Variants in REPS2 observed in about 807,000 individuals in gnomAD.
REPS2 encodes the protein RALBP1 associated Eps domain containing 2, also known as ralBP1-associated Eps domain-containing protein 2.
REPS2 carries 23 observed loss-of-function variants against 53.6 expected under a neutral mutation model. The ratio of observed to expected loss-of-function variants is 0.43; its 90% CI spans 0.31 to 0.61. The LOEUF (loss-of-function observed/expected upper bound fraction) is 0.61, where lower values mean the gene tolerates loss of function less well. Among genes scored for constraint, REPS2 ranks in the 20% least tolerant of loss-of-function variants. REPS2 has a pLI of 0.11. For synonymous variants in REPS2, 238 were observed against 218.6 expected, an observed-to-expected ratio of 1.09 and a Z score of -0.78; for missense variants, 446 against 534.9, an observed-to-expected ratio of 0.83 and a Z score of 1.64.
chrX:17,025,087 C>T lies in REPS2; in HGVS notation c.575C>T (p.Pro192Leu). The change falls in exon 4 of 18, where the codon CCC becomes CTC. Residue 192 changes from proline to leucine, a missense_variant. Transcript: ENST00000357277. ...QQETQSPTMS[P>L]LASPPSSPPH... is the part of the protein sequence containing the mutation. ...GAAACACAGTCTCCCACGATGTCAC[C>T]CCTCGCCTCCCCTCCTTCTTCCCCG... 8.3e-7 allele frequency: 1 copy of T among 1,211,315 alleles called. No homozygotes were observed. The highest frequency in any genetic ancestry group is 1.1e-6 in the Non-Finnish European group (1 of 895,329).
intron 1 of REPS2, among the ~76,000 whole-genome samples, chrX:16,976,398 T>C (rs2060955552): frequency 9.0e-6 from 1 of 111,004 alleles, no homozygotes. Flanking sequence ...ATTATTCCTC[T>C]AGGGTGGCAG....
rs1319973353 is a variant in REPS2, at chrX:17,148,855, C to T, written c.*1374C>T. On this transcript the variant is annotated 3_prime_UTR_variant, in exon 18 of 18. Coordinates refer to ENST00000357277, the MANE Select transcript of REPS2 (RefSeq NM_004726.3). ...ACTAATTTCCCCATTCTTAGGGTAG[C>T]AGGGTGGGGGTGTATAGGGTCTTTT... 8.6e-6 allele frequency: 3 copies of T among 348,378 alleles called. No individual in the cohort carries two copies. Among genetic ancestry groups the T allele is most frequent in the Non-Finnish European group, 1.1e-5 (2 of 181,098 alleles). 28.7% of individuals were successfully genotyped at this position (348,378 alleles called of 1,213,427 possible).
chrX:17,006,950 A>G (rs1176652707), intron 2 of REPS2, among the ~76,000 whole-genome samples: 4 of 111,988 alleles, frequency 3.6e-5, no homozygotes, highest in Non-Finnish European at 3.8e-5. Flanking sequence ...AAAACCCCCA[A>G]CTATTAGCAG....
chrX:17,096,653 C>G (rs1170138267), intron 13 of REPS2, among the ~76,000 whole-genome samples: 1 of 43,292 alleles, frequency 2.3e-5, no homozygotes, highest in Non-Finnish European at 3.6e-5. Flanking sequence ...GAGCGAGACT[C>G]CGTCTCAAAA....
At chrX:16,948,759 C>T (rs1376306021) in intron 1 of REPS2, among the ~76,000 whole-genome samples, 1 of 111,905 alleles carries the variant, frequency 8.9e-6, no homozygotes, top group Admixed American at 9.5e-5. Flanking sequence ...ACCCAAGGCA[C>T]AGTGGCTGTG....
intron 5 of REPS2, among the ~76,000 whole-genome samples, chrX:17,036,725 A>C (rs1338812356): frequency 8.9e-6 from 1 of 111,860 alleles, no homozygotes; most frequent in Admixed American, 9.5e-5. Context: ...GGTAAATGTC[A>C]ACACTGTGTG....
intron 9 of REPS2, among the ~76,000 whole-genome samples, chrX:17,067,657 C>A (rs1031604650): frequency 5.3e-5 from 6 of 112,187 alleles, no homozygotes; most frequent in Non-Finnish European, 1.1e-4. Flanking sequence ...CAGTAAAATT[C>A]TTTTATCCCA....
chrX:16,962,525 A>G (rs1189209482), intron 1 of REPS2, among the ~76,000 whole-genome samples: 1 of 111,694 alleles, frequency 9.0e-6, no homozygotes, highest in Non-Finnish European at 1.9e-5. Context: ...TGGGGAGGAA[A>G]TAAGGCAATG....
chrX:16,994,389 G>A (rs1272508343), intron 1 of REPS2, among the ~76,000 whole-genome samples: 10 of 104,948 alleles, frequency 9.5e-5, no homozygotes, highest in South Asian at 4.0e-4. Context: ...ATACACACAC[G>A]TACATATATA....
In REPS2 at chrX:17,106,620, T is replaced by C. The variant is rs754081351; in HGVS notation, c.1578+2841T>C. Among the ~76,000 whole-genome samples, 4 of 110,022 alleles carry C rather than the reference T, an allele frequency of 3.6e-5. No homozygotes were observed. In the South Asian group the frequency reaches 1.2e-3, roughly 33 times the overall value. On this transcript the variant is annotated intron_variant, in intron 14 of 17. Transcript: ENST00000357277. ...TAGTAGAGACGGGATTTAACTGTGT[T>C]AGCCGGGATGATCTCGATCTCCTGA...
the REPS2 span, among the ~76,000 whole-genome samples, chrX:17,184,603 C>A: frequency 9.1e-6 from 1 of 109,833 alleles, no homozygotes; most frequent in Non-Finnish European, 1.9e-5. Context: ...GGAATCGCCA[C>A]ACTGACTTCC....
At chrX:16,987,951 G>A (rs1299444809) in intron 1 of REPS2, among the ~76,000 whole-genome samples, 1 of 110,383 alleles carries the variant, frequency 9.1e-6, no homozygotes, top group Admixed American at 9.7e-5. Flanking sequence ...AGTGCAATAA[G>A]GCAAGAAAAG....
chrX:17,033,754 T>C (rs1211417959), intron 5 of REPS2, among the ~76,000 whole-genome samples: 1 of 112,242 alleles, frequency 8.9e-6, no homozygotes, highest in Admixed American at 9.4e-5. Flanking sequence ...ACAAAAACAA[T>C]CTTAAAAACA....
intron 9 of REPS2, among the ~76,000 whole-genome samples, chrX:17,067,458 A>G: frequency 8.9e-6 from 1 of 112,115 alleles, no homozygotes; most frequent in Non-Finnish European, 1.9e-5. Flanking sequence ...AGCAGTTTTC[A>G]AGTATACCAT....
At chrX:17,159,022 A>G in the REPS2 span, among the ~76,000 whole-genome samples, 1 of 112,227 alleles carries the variant, frequency 8.9e-6, no homozygotes, top group South Asian at 3.7e-4. Flanking sequence ...CTTAAATAAA[A>G]CTTTCTTCCT....
chrX:17,147,386 G>A (rs370625930), intron 17 of REPS2, 27 bp from the exon 18 acceptor site: 3 of 1,158,697 alleles, frequency 2.6e-6, no homozygotes, highest in Middle Eastern at 2.4e-4. Flanking sequence ...TTGCTTTTTT[G>A]TTTTTCTTGT....
chrX:17,160,959 A>T, the REPS2 span, among the ~76,000 whole-genome samples: 1 of 111,970 alleles, frequency 8.9e-6, no homozygotes, highest in East Asian at 2.8e-4. Flanking sequence ...GATGGAGAGG[A>T]ATTGTGCCCC....
chrX:17,031,571 A>T (rs2061709280), intron 5 of REPS2, among the ~76,000 whole-genome samples: 1 of 112,382 alleles, frequency 8.9e-6, no homozygotes. Flanking sequence ...GATGGTCATT[A>T]ACCAAACCAC....
intron 5 of REPS2, among the ~76,000 whole-genome samples, chrX:17,045,292 T>TA (rs902194844): frequency 1.8e-5 from 2 of 109,773 alleles, no homozygotes; most frequent in African/African-American, 6.6e-5. Flanking sequence ...GCAACCCAGT[T>TA]AAAAAAAATC....
Sources: gnomAD v4.1 joint callset for allele counts (sites outside exome capture counted in the v4.1 genomes callset) on GRCh38, gnomAD v4.1.1 for gene constraint, MANE v1.5 for transcripts, NCBI Gene and HGNC (gene_info 2026-07-23, HGNC 2026-07-21) for gene names.